PCDHGB1: variants seen among roughly 807,000 people sequenced by gnomAD.
PCDHGB1 encodes protocadherin gamma-B1.
A neutral mutation model predicts 56.6 loss-of-function variants in PCDHGB1; 34 were observed. The ratio of observed to expected loss-of-function variants is 0.60; its 90% CI spans 0.46 to 0.80. PCDHGB1 has a LOEUF of 0.80. PCDHGB1 is among the 30% of genes least tolerant of loss of function. The pLI is 0.00. For missense variants in PCDHGB1, 1,278 were observed against 1,204.6 expected, an observed-to-expected ratio of 1.06 and a Z score of -0.90; for synonymous variants, 561 against 505.9, an observed-to-expected ratio of 1.11 and a Z score of -1.46.
At chr5:141,441,703 A>C (rs1329703451) in intron 1 of PCDHGB1, 2 of 312,092 alleles carry the variant, frequency 6.4e-6, no homozygotes, top group Non-Finnish European at 1.3e-5. Context: ...CGAGCCTTCA[A>C]GCTCACGCTG....
chr5:141,402,918 A>C (rs766546022), intron 1 of PCDHGB1: 55 of 1,569,938 alleles, frequency 3.5e-5, no homozygotes, highest in Non-Finnish European at 4.7e-5. Flanking sequence ...GCGCGCACAG[A>C]GATCCTTTTG....
intron 1 of PCDHGB1, chr5:141,372,338 T>A: frequency 6.2e-7 from 1 of 1,613,820 alleles, no homozygotes; most frequent in South Asian, 1.1e-5. Flanking sequence ...CTGTGCGTGA[T>A]GGAGGACAGC....
chr5:141,475,098 C>G (rs1252108172), intron 1 of PCDHGB1, among the ~76,000 whole-genome samples: 1 of 152,108 alleles, frequency 6.6e-6, no homozygotes, highest in East Asian at 1.9e-4. Flanking sequence ...TTATAAAGAT[C>G]CTAGGTGGTA....
chr5:141,389,095 CAG>C (rs759384103), intron 1 of PCDHGB1: 4 of 1,613,906 alleles, frequency 2.5e-6, no homozygotes, highest in South Asian at 2.2e-5. Flanking sequence ...AAATTAGTGA[CAG>C]ATGCTGTTCT....
At chr5:141,365,656 A>C in intron 1 of PCDHGB1, 2 of 1,613,518 alleles carry the variant, frequency 1.2e-6, no homozygotes. Flanking sequence ...CCTTGAAAGT[A>C]GCAGACGTTA....
chr5:141,414,752 A>G (rs1339630983), intron 1 of PCDHGB1: 9 of 1,614,110 alleles, frequency 5.6e-6, no homozygotes, highest in Non-Finnish European at 7.6e-6. Flanking sequence ...TCCTTCGACT[A>G]TGAGCAGTTT....
In PCDHGB1 at chr5:141,352,325, G is replaced by A. The variant is rs1001145372; in HGVS notation, c.2065G>A (p.Val689Ile). ...DPQTELQFYL[V>I]VALALISVLF... Reference sequence around the variant, plus strand: ...CCAGACGGAACTGCAGTTTTACCTGGTTGTGGCCTTGGCCTTGATCTCAGT... The same window carrying A: ...CCAGACGGAACTGCAGTTTTACCTGATTGTGGCCTTGGCCTTGATCTCAGT... The change falls in exon 1 of 4, where the codon GTT becomes ATT. Residue 689 changes from valine to isoleucine, a missense_variant. Physicochemically the swap from Val to Ile is conservative, Grantham distance 29. Transcript: ENST00000523390. The A allele has an allele frequency of 1.2e-6, 2 of 1,614,080 alleles. No individual in the cohort carries two copies.
intron 1 of PCDHGB1, chr5:141,355,377 G>A: frequency 6.2e-7 from 1 of 1,614,034 alleles, no homozygotes; most frequent in Non-Finnish European, 8.5e-7. Flanking sequence ...CCCGGGAGCT[G>A]GCGGAGCGCG....
intron 1 of PCDHGB1, chr5:141,442,367 T>C (rs1304138950): frequency 6.6e-6 from 1 of 152,282 alleles, no homozygotes; most frequent in Non-Finnish European, 1.5e-5. Flanking sequence ...TATGATGCCA[T>C]ATTCCTACCA....
chr5:141,410,024 G>T (rs771946302), intron 1 of PCDHGB1: 4 of 1,613,164 alleles, frequency 2.5e-6, no homozygotes, highest in Non-Finnish European at 3.4e-6. Flanking sequence ...GTCCTACCAC[G>T]TGCTGCAGGC....
Position 141,413,864 on chromosome 5 carries a change from T to C in PCDHGB1, c.2409+61195T>C. 3 of 1,613,398 alleles carry C rather than the reference T, an allele frequency of 1.9e-6. No homozygotes were observed. The Admixed American group carries it at 5.0e-5, about 27-fold the overall frequency. ...GGTGACCCTCTCCGATCTGGCACTG[T>C]CCTTGTCAGTGTGACTGTCTTCGAT... On this transcript the variant is annotated intron_variant, in intron 1 of 3. Transcript: ENST00000523390.
Position 141,490,799 on chromosome 5 carries a change from G to A in PCDHGB1, c.2410-4008G>A, listed in dbSNP as rs757092044. On this transcript the variant is annotated intron_variant, in intron 1 of 3. Coordinates refer to ENST00000523390, the MANE Select transcript of PCDHGB1 (RefSeq NM_018922.3). The surrounding 1 kb of genome is among the most constrained non-coding windows in gnomAD (Gnocchi z 5.4). ...GAGGATGGACGGATCTTTGCCCAGC[G>A]TACCTTTGACTATGAATTGCTGCAG... is the stretch of plus-strand genomic sequence containing the variant. 2.7e-5 allele frequency: 43 copies of A among 1,613,888 alleles called. No individual in the cohort carries two copies. Among genetic ancestry groups the A allele is most frequent in the Middle Eastern group, 3.3e-4 (2 of 6,062 alleles).
chr5:141,430,773 G>A (rs375524585), intron 1 of PCDHGB1: 2 of 1,507,932 alleles, frequency 1.3e-6, no homozygotes, highest in Non-Finnish European at 1.8e-6. Flanking sequence ...ATTCCTGCGC[G>A]ACTGCACCGG....
At chr5:141,443,980 T>A (rs2098412674) in intron 1 of PCDHGB1, among the ~76,000 whole-genome samples, 1 of 152,036 alleles carries the variant, frequency 6.6e-6, no homozygotes, top group South Asian at 2.1e-4. Context: ...CTAAGCTATG[T>A]TAATTTTATT....
intron 1 of PCDHGB1, among the ~76,000 whole-genome samples, chr5:141,482,048 G>A (rs375214441): frequency 1.3e-5 from 2 of 150,044 alleles, no homozygotes; most frequent in Non-Finnish European, 2.9e-5. Flanking sequence ...TCATGCTGTT[G>A]CATTCCAGCC....
At chr5:141,398,328 C>G in intron 1 of PCDHGB1, 7 of 1,353,010 alleles carry the variant, frequency 5.2e-6, no homozygotes, top group Non-Finnish European at 7.2e-6. Context: ...GAAAACTGCG[C>G]GTCAGTTCGG....
At chr5:141,494,644 G>A in intron 1 of PCDHGB1, 163 bp from the exon 2 acceptor site, 1 of 933,684 alleles carries the variant, frequency 1.1e-6, no homozygotes. Flanking sequence ...TGAGACCTGA[G>A]GTGTATTTTG....
At chr5:141,395,078 G>C in intron 1 of PCDHGB1, 1 of 1,614,126 alleles carries the variant, frequency 6.2e-7, no homozygotes, top group Non-Finnish European at 8.5e-7. Flanking sequence ...CCTATTCCCA[G>C]GAAGTCTCCC....
At chr5:141,375,216 T>G in intron 1 of PCDHGB1, 1 of 1,614,014 alleles carries the variant, frequency 6.2e-7, no homozygotes, top group Non-Finnish European at 8.5e-7. Flanking sequence ...GACTCTGGCC[T>G]GAATGGCCTG....
Sources: allele counts gnomAD v4.1 joint callset (sites outside exome capture counted in the v4.1 genomes callset), GRCh38; gene constraint gnomAD v4.1.1; non-coding constraint Gnocchi (gnomAD v3.1); transcripts MANE v1.5; gene names NCBI Gene and HGNC (gene_info 2026-07-23, HGNC 2026-07-21).